Variants in LRRTM4 observed in about 807,000 individuals in gnomAD.
LRRTM4 encodes the protein leucine rich repeat transmembrane neuronal 4.
LRRTM4 carries 25 observed loss-of-function variants against 47.6 expected under a neutral mutation model. That is an observed-to-expected ratio of 0.53 (90% confidence interval 0.38 to 0.73). LRRTM4 has a LOEUF of 0.73. Ranked by LOEUF, LRRTM4 falls within the 30% of genes least tolerant of loss-of-function variation. The pLI is 0.00. For missense variants in LRRTM4, 638 were observed against 713.4 expected (o/e 0.89, Z 1.20); for synonymous variants, 311 against 269.5 (o/e 1.15, Z -1.51).
chr2:77,428,741 G>C (rs956806660), intron 3 of LRRTM4, among the ~76,000 whole-genome samples: 1 of 152,156 alleles, frequency 6.6e-6, no homozygotes, highest in Non-Finnish European at 1.5e-5. Context: ...AGAGTAAATG[G>C]TGAATATAAC....
chr2:77,207,582 T>A (rs1237248153), intron 3 of LRRTM4, among the ~76,000 whole-genome samples: 2 of 151,548 alleles, frequency 1.3e-5, no homozygotes, highest in Non-Finnish European at 2.9e-5. Context: ...CCATTTGTTA[T>A]AAATTCATAC....
At chr2:76,812,085 TGG>T (rs1670751020) in intron 3 of LRRTM4, among the ~76,000 whole-genome samples, 2 of 152,178 alleles carry the variant, frequency 1.3e-5, no homozygotes, top group African/African-American at 4.8e-5. Context: ...TTTTGATAGA[TGG>T]AGTTATTTGA....
At chr2:76,901,561 T>C (rs182100724) in intron 3 of LRRTM4, among the ~76,000 whole-genome samples, 2,174 of 152,262 alleles carry the variant, frequency 0.014, 66 homozygotes, top group South Asian at 0.074. Flanking sequence ...AGAAAACCTC[T>C]TAGTACTTTT....
At chr2:77,137,763 T>C (rs975915403) in intron 3 of LRRTM4, among the ~76,000 whole-genome samples, 1 of 151,812 alleles carries the variant, frequency 6.6e-6, no homozygotes. Flanking sequence ...AGGCTCAAAA[T>C]AAAGGGATGG....
chr2:77,398,939 G>A (rs1222295235), intron 3 of LRRTM4, among the ~76,000 whole-genome samples: 1 of 151,704 alleles, frequency 6.6e-6, no homozygotes, highest in East Asian at 1.9e-4. Context: ...GTTGACAGGT[G>A]GAGGTTGGTA....
At chr2:77,076,414 G>A in intron 3 of LRRTM4, among the ~76,000 whole-genome samples, 1 of 124,170 alleles carries the variant, frequency 8.1e-6, no homozygotes, top group Admixed American at 7.8e-5. Flanking sequence ...TGGGATAACA[G>A]TTTCAGCCCG....
In LRRTM4 at chr2:76,938,397, A is replaced by C. The variant is rs536953393; in HGVS notation, c.1552-189481T>G. ...TGAAGACAAAAGAATATAAATTGTTAAAATTTTAAATCAAATTATAATGAT... is the reference window on the plus strand; with the variant it reads ...TGAAGACAAAAGAATATAAATTGTTCAAATTTTAAATCAAATTATAATGAT... On this transcript the variant is annotated intron_variant, in intron 3 of 3. Transcript: ENST00000409884. 3.9e-5 allele frequency among the ~76,000 whole-genome samples: 6 copies of C among 152,290 alleles called. No homozygotes were observed. In the South Asian group the frequency reaches 1.2e-3, roughly 32 times the overall value.
Position 77,465,496 on chromosome 2 carries a change from A to C in LRRTM4, c.1551+52822T>G, listed in dbSNP as rs149449229. Among the ~76,000 whole-genome samples, 7 of 152,264 alleles carry C rather than the reference A, an allele frequency of 4.6e-5. No homozygotes were observed. The East Asian group carries it at 1.4e-3, about 29-fold the overall frequency. ...ATAACGTGTTCTAGTCCCTCTACCA[A>C]GGACATTTGTATTTAAAAGCAAACA... On this transcript the variant is annotated intron_variant, in intron 3 of 3. Transcript: ENST00000409884.
intron 3 of LRRTM4, among the ~76,000 whole-genome samples, chr2:77,053,447 C>A (rs1573505946): frequency 6.6e-6 from 1 of 152,036 alleles, no homozygotes; most frequent in East Asian, 1.9e-4. Context: ...AATAACAGAT[C>A]TGTGGAAATG....
chr2:76,783,887 T>G (rs1272267859), intron 3 of LRRTM4, among the ~76,000 whole-genome samples: 1 of 152,168 alleles, frequency 6.6e-6, no homozygotes, highest in Non-Finnish European at 1.5e-5. Flanking sequence ...TGTGTATGAT[T>G]TGACAGTATA....
intron 3 of LRRTM4, among the ~76,000 whole-genome samples, chr2:77,149,147 T>C (rs1050153151): frequency 6.6e-5 from 10 of 152,154 alleles, no homozygotes; most frequent in Admixed American, 2.6e-4. Flanking sequence ...TGTAGCTGAA[T>C]TGAGATGTCC....
chr2:76,984,584 C>G (rs1021821235), intron 3 of LRRTM4, among the ~76,000 whole-genome samples: 1 of 151,970 alleles, frequency 6.6e-6, no homozygotes, highest in African/African-American at 2.4e-5. Flanking sequence ...TCCTCCTACC[C>G]TAAACTGTGA....
At chr2:77,172,524 G>A (rs1273401381) in intron 3 of LRRTM4, among the ~76,000 whole-genome samples, 6 of 152,154 alleles carry the variant, frequency 3.9e-5, no homozygotes, top group African/African-American at 1.4e-4. Flanking sequence ...AATTTGTGAG[G>A]TGGAGGTTGC....
chr2:77,088,608 G>C (rs1680809022), intron 3 of LRRTM4, among the ~76,000 whole-genome samples: 2 of 152,122 alleles, frequency 1.3e-5, no homozygotes, highest in African/African-American at 4.8e-5. Flanking sequence ...CTGCACCCAG[G>C]TGAAATAAAC....
At chr2:77,419,800 A>C (rs1230184008) in intron 3 of LRRTM4, among the ~76,000 whole-genome samples, 3 of 152,138 alleles carry the variant, frequency 2.0e-5, no homozygotes, top group Non-Finnish European at 4.4e-5. Context: ...AGGGAGCTTC[A>C]AGAAAAAAAA....
At chr2:76,882,504 C>T (rs1357817395) in intron 3 of LRRTM4, among the ~76,000 whole-genome samples, 1 of 150,954 alleles carries the variant, frequency 6.6e-6, no homozygotes, top group Non-Finnish European at 1.5e-5. Context: ...CCAATCCAAG[C>T]AACAAAGTGA....
chr2:76,807,098 A>G (rs1271240935), intron 3 of LRRTM4, among the ~76,000 whole-genome samples: 1 of 152,060 alleles, frequency 6.6e-6, no homozygotes, highest in Non-Finnish European at 1.5e-5. Flanking sequence ...GTGTGTGTTA[A>G]CTGCTACAAA....
chr2:77,474,064 T>C (rs1345066527), intron 3 of LRRTM4, among the ~76,000 whole-genome samples: 2 of 152,154 alleles, frequency 1.3e-5, no homozygotes, highest in African/African-American at 2.4e-5. Context: ...TGAGTTTTTG[T>C]TATTTCTGGG....
chr2:76,948,060 G>A (rs1298460671), intron 3 of LRRTM4, among the ~76,000 whole-genome samples: 1 of 151,826 alleles, frequency 6.6e-6, no homozygotes, highest in Non-Finnish European at 1.5e-5. Context: ...GGATGGAGAA[G>A]AAAGAAGCTT....
Sources: gnomAD v4.1 joint callset for allele counts (sites outside exome capture counted in the v4.1 genomes callset) on GRCh38, gnomAD v4.1.1 for gene constraint, MANE v1.5 for transcripts, NCBI Gene and HGNC (gene_info 2026-07-23, HGNC 2026-07-21) for gene names.